Variants in RBFOX1 observed in about 807,000 individuals in gnomAD.
RBFOX1 encodes the protein RNA binding fox-1 homolog 1.
RBFOX1 carries 8 observed loss-of-function variants against 57.7 expected under a neutral mutation model. The ratio of observed to expected loss-of-function variants is 0.14; its 90% CI spans 0.08 to 0.25. RBFOX1 has a LOEUF of 0.25. Among genes scored for constraint, RBFOX1 ranks in the 10% least tolerant of loss-of-function variants. RBFOX1 has a pLI of 1.00. For synonymous variants in RBFOX1, 326 were observed against 222.4 expected (o/e 1.47, Z -4.15); for missense variants, 611 against 548.5 (o/e 1.11, Z -1.14).
At chr16:7,696,635 G>T (rs938489884) in intron 14 of RBFOX1, among the ~76,000 whole-genome samples, 3 of 151,994 alleles carry the variant, frequency 2.0e-5, no homozygotes, top group Admixed American at 6.6e-5. Context: ...TCAGGAGAAG[G>T]TCTCATCAAA....
chr16:7,254,720 A>G (rs1048544729), intron 4 of RBFOX1, among the ~76,000 whole-genome samples: 1 of 152,098 alleles, frequency 6.6e-6, no homozygotes, highest in African/African-American at 2.4e-5. Flanking sequence ...TGCAATTGTT[A>G]TTATCCTAAA....
chr16:6,963,188 C>T lies in RBFOX1; in HGVS notation c.-15-88869C>T, dbSNP rs149773562. On this transcript the variant is annotated intron_variant, in intron 3 of 15. Coordinates refer to ENST00000550418, the MANE Select transcript of RBFOX1 (RefSeq NM_018723.4). Reference sequence around the variant, plus strand: ...CAAGCCTAGCACTGCTATTTTTTTTCGGAGTCCGTCATGCCATAATTTTCT... The same window carrying T: ...CAAGCCTAGCACTGCTATTTTTTTTTGGAGTCCGTCATGCCATAATTTTCT... 1.6e-4 allele frequency among the ~76,000 whole-genome samples: 24 copies of T among 152,020 alleles called. No individual in the cohort carries two copies. In the East Asian group the frequency reaches 3.9e-3, roughly 25 times the overall value.
At position 5,322,910 on chromosome 16, in the gene RBFOX1, G is replaced by T. The variant is rs190359252; in HGVS notation, c.219+82805G>T. On this transcript the variant is annotated intron_variant, in intron 1 of 2. Coordinates refer to the RBFOX1 transcript ENST00000585867. ...AGTGGTTTCTCTTCCGGCATGAATG[G>T]GTGGTTTTGTCTCCAGAACTTCTTT... is the stretch of plus-strand genomic sequence containing the variant. Among the ~76,000 whole-genome samples, 56 of 152,260 alleles carry T rather than the reference G, an allele frequency of 3.7e-4. 1 individual carries two copies. Among genetic ancestry groups the T allele is most frequent in the African/African-American group, 1.2e-3 (51 of 41,576 alleles).
chr16:6,596,740 G>A (rs2097780022), intron 2 of RBFOX1, among the ~76,000 whole-genome samples: 2 of 152,174 alleles, frequency 1.3e-5, no homozygotes, highest in African/African-American at 4.8e-5. Flanking sequence ...TGGGCTCTGA[G>A]CAAAGCCCTT....
intron 4 of RBFOX1, among the ~76,000 whole-genome samples, chr16:7,225,102 A>T (rs1216378415): frequency 6.6e-6 from 1 of 152,216 alleles, no homozygotes; most frequent in African/African-American, 2.4e-5. Flanking sequence ...CAGGTGTTCC[A>T]AAAAGGGCTT....
At chr16:6,052,674 C>T (rs1261991696) in intron 1 of RBFOX1, among the ~76,000 whole-genome samples, 1 of 151,822 alleles carries the variant, frequency 6.6e-6, no homozygotes, top group Non-Finnish European at 1.5e-5. Flanking sequence ...GTCCCAGCTA[C>T]TCGGGAGGCT....
At chr16:6,302,749 A>C (rs193275496) in intron 1 of RBFOX1, among the ~76,000 whole-genome samples, 32 of 152,334 alleles carry the variant, frequency 2.1e-4, no homozygotes, top group African/African-American at 7.2e-4. Context: ...GCCCAGAGAG[A>C]GTTAAATAAC....
At chr16:7,028,501 C>A (rs1242835326) in intron 3 of RBFOX1, among the ~76,000 whole-genome samples, 3 of 146,198 alleles carry the variant, frequency 2.1e-5, no homozygotes, top group African/African-American at 7.6e-5. Context: ...GCAGGAGAAT[C>A]GCTTGAACCC....
At chr16:6,552,504 G>A (rs1440059043) in intron 2 of RBFOX1, among the ~76,000 whole-genome samples, 1 of 152,176 alleles carries the variant, frequency 6.6e-6, no homozygotes, top group African/African-American at 2.4e-5. Flanking sequence ...TCAGATGTTT[G>A]CCTGGTCTAT....
chr16:6,667,532 G>A (rs954244509), intron 3 of RBFOX1, among the ~76,000 whole-genome samples: 1 of 152,038 alleles, frequency 6.6e-6, no homozygotes, highest in Admixed American at 6.6e-5. Context: ...GGGACTCAAT[G>A]AGCTCTTACA....
intron 3 of RBFOX1, among the ~76,000 whole-genome samples, chr16:6,775,172 A>C (rs75334834): frequency 6.7e-6 from 1 of 149,746 alleles, no homozygotes; most frequent in Non-Finnish European, 1.5e-5. Context: ...AAAAGTACAA[A>C]AAAAAAAAAA....
intron 4 of RBFOX1, among the ~76,000 whole-genome samples, chr16:7,290,565 C>G (rs1215009575): frequency 6.6e-6 from 1 of 152,214 alleles, no homozygotes; most frequent in African/African-American, 2.4e-5. Flanking sequence ...AAATGAATCT[C>G]AGAAACATGA....
intron 3 of RBFOX1, among the ~76,000 whole-genome samples, chr16:5,827,779 T>C (rs982044178): frequency 2.0e-5 from 3 of 152,096 alleles, no homozygotes; most frequent in African/African-American, 7.2e-5. Flanking sequence ...CTCTACAGTT[T>C]TTTTCTCCTA....
intron 4 of RBFOX1, among the ~76,000 whole-genome samples, chr16:7,480,725 C>G (rs924685100): frequency 6.6e-6 from 1 of 151,900 alleles, no homozygotes; most frequent in African/African-American, 2.4e-5. Context: ...TTCTGCCCTC[C>G]GAGGGCACAG....
chr16:7,471,138 A>G (rs2061484667), intron 4 of RBFOX1, among the ~76,000 whole-genome samples: 1 of 152,062 alleles, frequency 6.6e-6, no homozygotes, highest in Admixed American at 6.6e-5. Context: ...TTTATTTGCC[A>G]TTATTCTTGG....
chr16:7,704,209 C>T (rs969570207), intron 14 of RBFOX1, among the ~76,000 whole-genome samples: 8 of 152,142 alleles, frequency 5.3e-5, no homozygotes, highest in Non-Finnish European at 8.8e-5. Context: ...GGTTGCTTCC[C>T]AGTTTTAACT....
At chr16:6,458,957 C>A (rs1237022928) in intron 2 of RBFOX1, among the ~76,000 whole-genome samples, 1 of 152,158 alleles carries the variant, frequency 6.6e-6, no homozygotes, top group African/African-American at 2.4e-5. Context: ...GAAATGTGCC[C>A]ACACTTCCCA....
intron 4 of RBFOX1, among the ~76,000 whole-genome samples, chr16:5,984,769 C>T (rs963809145): frequency 1.3e-5 from 2 of 151,784 alleles, no homozygotes; most frequent in Non-Finnish European, 2.9e-5. Flanking sequence ...CCCACCTAGG[C>T]GGTATGTTCT....
chr16:6,881,398 C>T (rs1042076684), intron 3 of RBFOX1, among the ~76,000 whole-genome samples: 2 of 152,090 alleles, frequency 1.3e-5, no homozygotes, highest in Non-Finnish European at 2.9e-5. Flanking sequence ...ACTAGAAGTC[C>T]AGAATGAAGG....
Sources: allele counts gnomAD v4.1 joint callset (sites outside exome capture counted in the v4.1 genomes callset), GRCh38; gene constraint gnomAD v4.1.1; transcripts MANE v1.5; gene names NCBI Gene and HGNC (gene_info 2026-07-23, HGNC 2026-07-21).